WDR25: variants seen among roughly 807,000 people sequenced by gnomAD.
WDR25 encodes the protein WD repeat-containing protein 25.
A neutral mutation model predicts 47.7 loss-of-function variants in WDR25; 35 were observed. That is an observed-to-expected ratio of 0.73 (90% confidence interval 0.56 to 0.97). The LOEUF (loss-of-function observed/expected upper bound fraction) is 0.97, where lower values mean the gene tolerates loss of function less well. Ranked by LOEUF, WDR25 falls within the 50% of genes least tolerant of loss-of-function variation. The pLI is 0.00. For synonymous variants in WDR25, 248 were observed against 278.9 expected, an observed-to-expected ratio of 0.89 and a Z score of 1.10; for missense variants, 634 against 704.7, an observed-to-expected ratio of 0.90 and a Z score of 1.14.
chr14:100,457,837 G>A (rs1899254587), intron 2 of WDR25, among the ~76,000 whole-genome samples: 2 of 152,130 alleles, frequency 1.3e-5, no homozygotes, highest in Non-Finnish European at 1.5e-5. Flanking sequence ...GTTCTCATAG[G>A]GGAAGTGATA....
chr14:100,503,983 A>ATGAAC (rs1901029907), intron 4 of WDR25, among the ~76,000 whole-genome samples: 1 of 152,234 alleles, frequency 6.6e-6, no homozygotes, highest in Non-Finnish European at 1.5e-5. Context: ...AGACTAATTA[A>ATGAAC]TGAACCTTTA....
rs913786892 is a variant in WDR25 at position 100,432,511 on chromosome 14, G to A, written c.823-35510G>A. 7.9e-5 allele frequency among the ~76,000 whole-genome samples: 12 copies of A among 152,144 alleles called. No homozygotes were observed. The East Asian group carries it at 9.6e-4, about 12-fold the overall frequency. ...AATGTTGATGTAATTTCAGGCTTAC[G>A]GAAGAGTTGCAAGAACAGTATCAAG... On this transcript the variant is annotated intron_variant, in intron 2 of 6. Coordinates refer to ENST00000402312, the MANE Select transcript of WDR25 (RefSeq NM_001161476.3).
At chr14:100,385,549 A>G (rs1896999858) in intron 2 of WDR25, among the ~76,000 whole-genome samples, 1 of 152,264 alleles carries the variant, frequency 6.6e-6, no homozygotes, top group Non-Finnish European at 1.5e-5. Context: ...TACAGTGGAA[A>G]GATACTTATT....
chr14:100,401,239 C>T (rs1370901184), intron 2 of WDR25, among the ~76,000 whole-genome samples: 4 of 152,166 alleles, frequency 2.6e-5, no homozygotes, highest in Admixed American at 6.5e-5. Flanking sequence ...TCTGCCCCAC[C>T]GAGCCAGAGC....
intron 4 of WDR25, among the ~76,000 whole-genome samples, chr14:100,511,057 A>G (rs1271530744): frequency 2.6e-5 from 4 of 152,138 alleles, no homozygotes; most frequent in African/African-American, 7.2e-5. Flanking sequence ...TTGCCAATTT[A>G]TGCAAAAAAA....
At chr14:100,460,403 C>T (rs1899370377) in intron 2 of WDR25, among the ~76,000 whole-genome samples, 1 of 152,112 alleles carries the variant, frequency 6.6e-6, no homozygotes, top group African/African-American at 2.4e-5. Context: ...TGAGCCACCG[C>T]ACCCGGCTGA....
At chr14:100,528,336 C>G (rs1325358378) in intron 5 of WDR25, among the ~76,000 whole-genome samples, 1 of 152,184 alleles carries the variant, frequency 6.6e-6, no homozygotes, top group Non-Finnish European at 1.5e-5. Context: ...GCCAGCATTC[C>G]TGACTTGTGG....
chr14:100,508,634 C>T (rs1013203119), intron 4 of WDR25, among the ~76,000 whole-genome samples: 15 of 152,230 alleles, frequency 9.9e-5, no homozygotes, highest in South Asian at 2.1e-4. Flanking sequence ...CTAGAACTTT[C>T]GGTACAATAC....
rs1266663554 is a variant in WDR25 at position 100,530,073 on chromosome 14, C to T, written c.*32C>T. ...TGTCACTGAACCTTCCCGATGCCAG[C>T]TGGGCTCTTGGACTCCCCTCTTCCT... On this transcript the variant is annotated 3_prime_UTR_variant, in exon 7 of 7. Coordinates refer to ENST00000402312, the MANE Select transcript of WDR25 (RefSeq NM_001161476.3). 1 of 1,585,380 alleles carries T rather than the reference C, an allele frequency of 6.3e-7. No individual in the cohort carries two copies. The highest frequency in any genetic ancestry group is 1.7e-5 in the Admixed American group (1 of 58,972).
At position 100,525,114 on chromosome 14, in the gene WDR25, A is replaced by G. The variant is rs1220044183; in HGVS notation, c.1102-756A>G. On this transcript the variant is annotated intron_variant, in intron 4 of 6. Transcript: ENST00000402312. This position sits in a 1 kb window ranked among gnomAD's most constrained non-coding sequence, Gnocchi z 4.6. ...CTTCCATGGCTGCGCGTGGGTGCCCAGCATGTTATTTCCATATTGTCATTA... is the reference window on the plus strand; with the variant it reads ...CTTCCATGGCTGCGCGTGGGTGCCCGGCATGTTATTTCCATATTGTCATTA... Among the ~76,000 whole-genome samples, 1 of 152,124 alleles carries G rather than the reference A, an allele frequency of 6.6e-6. No homozygotes were observed. The highest frequency in any genetic ancestry group is 1.5e-5 in the Non-Finnish European group (1 of 68,022).
chr14:100,420,515 T>G (rs1301126353), intron 2 of WDR25, among the ~76,000 whole-genome samples: 1 of 152,240 alleles, frequency 6.6e-6, no homozygotes, highest in Admixed American at 6.5e-5. Flanking sequence ...TAGGCAGTGC[T>G]GCAGTGATCA....
chr14:100,463,458 T>A (rs2140288558), intron 2 of WDR25, among the ~76,000 whole-genome samples: 1 of 152,240 alleles, frequency 6.6e-6, no homozygotes, highest in East Asian at 1.9e-4. Context: ...ACTGGCCTCT[T>A]CTTAGACTCC....
chr14:100,380,838 A>G (rs1896866817), intron 1 of WDR25, 72 bp from the exon 2 acceptor site: 2 of 1,358,862 alleles, frequency 1.5e-6, no homozygotes, highest in Non-Finnish European at 1.0e-6. Context: ...TTCCTAGGTG[A>G]CATGGTTTCT....
At chr14:100,439,335 G>A (rs1306544222) in intron 2 of WDR25, among the ~76,000 whole-genome samples, 2 of 152,192 alleles carry the variant, frequency 1.3e-5, no homozygotes, top group Non-Finnish European at 2.9e-5. Context: ...TCAGCCCCCG[G>A]ACTCCTGTGC....
chr14:100,406,307 T>C (rs1422769963), intron 2 of WDR25, among the ~76,000 whole-genome samples: 1 of 152,174 alleles, frequency 6.6e-6, no homozygotes, highest in East Asian at 1.9e-4. Context: ...TCTTATGTAC[T>C]CAGGAGGGGT....
At chr14:100,480,982 G>A in intron 3 of WDR25, 1 of 429,984 alleles carries the variant, frequency 2.3e-6, no homozygotes, top group Non-Finnish European at 4.6e-6. Context: ...CTGCTGAAGG[G>A]GCCACCAAGG....
chr14:100,459,961 T>C (rs1362576320), intron 2 of WDR25, among the ~76,000 whole-genome samples: 3 of 129,522 alleles, frequency 2.3e-5, no homozygotes, highest in African/African-American at 8.4e-5. Flanking sequence ...TACACACACA[T>C]ATACACACAA....
intron 2 of WDR25, among the ~76,000 whole-genome samples, chr14:100,437,651 T>C (rs1447821865): frequency 6.6e-6 from 1 of 152,110 alleles, no homozygotes. Flanking sequence ...TTATTAGTAT[T>C]ATTACTAGTA....
intron 2 of WDR25, among the ~76,000 whole-genome samples, chr14:100,461,191 G>C (rs982016985): frequency 2.0e-5 from 3 of 152,080 alleles, no homozygotes; most frequent in African/African-American, 7.2e-5. Context: ...ACTCCAGCCT[G>C]GGTAACAGAG....
Sources: allele counts gnomAD v4.1 joint callset (sites outside exome capture counted in the v4.1 genomes callset), GRCh38; gene constraint gnomAD v4.1.1; non-coding constraint Gnocchi (gnomAD v3.1); transcripts MANE v1.5; gene names NCBI Gene and HGNC (gene_info 2026-07-23, HGNC 2026-07-21).